Variants in TRPM8 observed in about 807,000 individuals in gnomAD.
TRPM8 encodes TRPM8 cationic channel.
In TRPM8, 110 loss-of-function variants were observed where a neutral mutation model predicts 133.7. The observed-to-expected ratio is 0.82, with a 90% CI of 0.70 to 0.96. The LOEUF (loss-of-function observed/expected upper bound fraction) is 0.96. Among genes scored for constraint, TRPM8 ranks in the 40% least tolerant of loss-of-function variants. TRPM8 has a pLI of 0.00. For missense variants in TRPM8, 1,291 were observed against 1,379.5 expected (o/e 0.94, Z 1.02); for synonymous variants, 535 against 532.3 (o/e 1.01, Z -0.07).
chr2:233,988,560 A>G (rs528430407), intron 21 of TRPM8, among the ~76,000 whole-genome samples: 1 of 152,260 alleles, frequency 6.6e-6, no homozygotes, highest in Non-Finnish European at 1.5e-5. Context: ...CTGGTGTATT[A>G]TATACTGAGA....
At chr2:233,964,816 T>C in intron 14 of TRPM8, 59 bp downstream of exon 14, 1 of 1,523,408 alleles carries the variant, frequency 6.6e-7, no homozygotes, top group Non-Finnish European at 8.9e-7. Context: ...GCACAGACAT[T>C]GCCAGCGGCA....
intron 21 of TRPM8, among the ~76,000 whole-genome samples, chr2:233,986,493 A>G (rs1692151740): frequency 6.6e-6 from 1 of 152,170 alleles, no homozygotes; most frequent in Non-Finnish European, 1.5e-5. Context: ...CCTTGGTTTT[A>G]TATTGTTCCT....
At chr2:233,927,860 C>T (rs1332829222) in intron 2 of TRPM8, among the ~76,000 whole-genome samples, 291 of 23,922 alleles carry the variant, frequency 0.012, 24 homozygotes, top group Middle Eastern at 0.019. Context: ...TCCTTTCTTT[C>T]TCTTTCTTTC....
At chr2:233,947,543 G>T (rs1166606341) in intron 8 of TRPM8, 21 of 1,296,336 alleles carry the variant, frequency 1.6e-5, no homozygotes, top group Non-Finnish European at 2.0e-5. Flanking sequence ...GATGTTTCCA[G>T]ACCACCTAAG....
intron 2 of TRPM8, among the ~76,000 whole-genome samples, chr2:233,927,413 G>A (rs1451944692): frequency 3.3e-5 from 5 of 152,160 alleles, no homozygotes; most frequent in Non-Finnish European, 7.3e-5. Context: ...CCCAGGGCCC[G>A]GGCTAGGCAA....
At chr2:234,002,595 C>T (rs1349567515) in intron 22 of TRPM8, among the ~76,000 whole-genome samples, 1 of 152,162 alleles carries the variant, frequency 6.6e-6, no homozygotes, top group Non-Finnish European at 1.5e-5. Flanking sequence ...CTGATGCTCA[C>T]TCCTGTGATT....
intron 11 of TRPM8, among the ~76,000 whole-genome samples, chr2:233,957,518 C>G (rs1202796532): frequency 6.6e-6 from 1 of 150,814 alleles, no homozygotes; most frequent in African/African-American, 2.4e-5. Context: ...AAAAAAAACC[C>G]AAAAAACAAA....
chr2:233,960,931 C>T lies in TRPM8; in HGVS notation c.1518C>T (p.Tyr506=). 6.2e-7 allele frequency: 1 copy of T among 1,614,184 alleles called. No homozygotes were observed. Among genetic ancestry groups the T allele is most frequent in the East Asian group, 2.2e-5 (1 of 44,882 alleles). Residue 506 remains tyrosine (Y), a synonymous_variant, in exon 12 of 26, where the codon TAC becomes TAT. Coordinates refer to ENST00000324695, the MANE Select transcript of TRPM8 (RefSeq NM_024080.5). Reference sequence around the variant, plus strand: ...CCAACCACTTCAGCACGCTTGTGTACCGGAATCTGCAGATCGCCAAGAATT... The same window carrying T: ...CCAACCACTTCAGCACGCTTGTGTATCGGAATCTGCAGATCGCCAAGAATT... The part of the protein sequence containing the change: ...LFSNHFSTLV[Y]RNLQIAKNSY...
Position 233,983,349 on chromosome 2 carries a change from A to G in TRPM8, c.2761+125A>G, listed in dbSNP as rs557055523. Reference sequence around the variant, plus strand: ...CGCGTGAAACGGAGTCCAACATAACAGAGTAAAAACTCACTCCTCAAAACC... The same window carrying G: ...CGCGTGAAACGGAGTCCAACATAACGGAGTAAAAACTCACTCCTCAAAACC... On this transcript the variant is annotated intron_variant, in intron 20 of 25. Transcript: ENST00000324695. The G allele has an allele frequency of 4.9e-4, 545 of 1,108,090 alleles. No homozygotes were observed. In the African/African-American group the frequency reaches 7.9e-3, roughly 16 times the overall value. 68.6% of individuals were successfully genotyped at this position (1,108,090 alleles called of 1,614,324 possible). A position where few individuals can be genotyped will look rare whatever the true frequency, so the allele number is the denominator to read the frequency against.
intron 3 of TRPM8, among the ~76,000 whole-genome samples, chr2:233,932,407 T>C (rs2125060038): frequency 6.6e-6 from 1 of 152,294 alleles, no homozygotes; most frequent in African/African-American, 2.4e-5. Context: ...ATGGTCTTGC[T>C]TGGAGCATGT....
chr2:233,974,814 C>T (rs1396522111), intron 17 of TRPM8, among the ~76,000 whole-genome samples: 1 of 152,066 alleles, frequency 6.6e-6, no homozygotes, highest in Non-Finnish European at 1.5e-5. Context: ...TGAGTAGAAT[C>T]AAGTGACACT....
chr2:234,010,249 G>C (rs1363387113), intron 24 of TRPM8, among the ~76,000 whole-genome samples: 4 of 152,140 alleles, frequency 2.6e-5, no homozygotes. Flanking sequence ...TTCTGTGTCT[G>C]GCTAATTTTG....
Position 233,970,367 on chromosome 2 carries a change from C to A in TRPM8, c.2296C>A (p.Pro766Thr), listed in dbSNP as rs201080817. ...LLMDFHSVPH[P>T]PELVLYSLVF... is the part of the protein sequence containing the mutation. ...CATGGATTTCCATTCGGTGCCACAC[C>A]CCCCCGAGCTGGTCCTGTACTCGCT... Residue 766 changes from proline (P) to threonine (T), a missense_variant, in exon 17 of 26, where the codon CCC (proline) becomes ACC (threonine). Pro to Thr is a conservative substitution (Grantham distance 38, BLOSUM62 -1). Transcript: ENST00000324695. 10 of 1,614,114 alleles carry A rather than the reference C, an allele frequency of 6.2e-6. No homozygotes were observed. The African/African-American group carries it at 6.7e-5, about 11-fold the overall frequency.
intron 6 of TRPM8, chr2:233,943,065 ATCTT>A (rs1690949667): frequency 1.2e-5 from 3 of 243,090 alleles, no homozygotes; most frequent in Admixed American, 6.2e-5. Context: ...CAACTGCAGT[ATCTT>A]TTTTTTTTTT....
At chr2:233,979,316 C>T (rs1294412496) in intron 17 of TRPM8, among the ~76,000 whole-genome samples, 2 of 152,180 alleles carry the variant, frequency 1.3e-5, no homozygotes, top group Non-Finnish European at 2.9e-5. Flanking sequence ...TCTTTCCCAC[C>T]AAACAGTAGA....
intron 11 of TRPM8, among the ~76,000 whole-genome samples, chr2:233,958,627 G>A (rs771024089): frequency 2.0e-5 from 3 of 152,194 alleles, no homozygotes; most frequent in Non-Finnish European, 4.4e-5. Context: ...AAAGGGAAAT[G>A]CTGGACATGA....
rs575123538 is a variant in TRPM8 at position 233,938,154 on chromosome 2, C to T, written c.348+645C>T. Reference sequence around the variant, plus strand: ...TGGGCCGGCACACTCTCTTGCTGCCCGCAGCTCTGCCCACCTCCCTGTGGC... The same window carrying T: ...TGGGCCGGCACACTCTCTTGCTGCCTGCAGCTCTGCCCACCTCCCTGTGGC... On this transcript the variant is annotated intron_variant, in intron 4 of 25. Coordinates refer to ENST00000324695, the MANE Select transcript of TRPM8 (RefSeq NM_024080.5). Among the ~76,000 whole-genome samples the T allele has an allele frequency of 9.2e-5, 14 of 152,334 alleles. No homozygotes were observed. In the East Asian group the frequency reaches 1.5e-3, roughly 17 times the overall value.
At chr2:233,982,289 A>G (rs774155606) in intron 19 of TRPM8, among the ~76,000 whole-genome samples, 24 of 152,238 alleles carry the variant, frequency 1.6e-4, no homozygotes, top group Non-Finnish European at 1.5e-5. Context: ...AGAGACAAGC[A>G]GTGAGCTAGA....
intron 1 of TRPM8, among the ~76,000 whole-genome samples, chr2:233,925,690 G>A (rs560646027): frequency 1.3e-5 from 2 of 152,188 alleles, no homozygotes; most frequent in African/African-American, 2.4e-5. Flanking sequence ...GAGGAGCTTG[G>A]AGCCAGGAGG....
Sources: gnomAD v4.1 joint callset for allele counts (sites outside exome capture counted in the v4.1 genomes callset) on GRCh38, gnomAD v4.1.1 for gene constraint, MANE v1.5 for transcripts, NCBI Gene and HGNC (gene_info 2026-07-23, HGNC 2026-07-21) for gene names.